Variants in C5 observed in about 807,000 individuals in gnomAD.
C5 encodes the protein C3 and PZP-like alpha-2-macroglobulin domain-containing protein 4.
In C5, 140 loss-of-function variants were observed where a neutral mutation model predicts 218.8. The ratio of observed to expected loss-of-function variants is 0.64; its 90% CI spans 0.56 to 0.74. The LOEUF is 0.74. Ranked by LOEUF, C5 falls within the 30% of genes least tolerant of loss-of-function variation. C5 has a pLI of 0.00. For synonymous variants in C5, 614 were observed against 682.3 expected, an observed-to-expected ratio of 0.90 and a Z score of 1.56; for missense variants, 1,700 against 1,969.6, an observed-to-expected ratio of 0.86 and a Z score of 2.59.
At chr9:121,027,677 T>C (rs2047436726) in intron 7 of C5, among the ~76,000 whole-genome samples, 1 of 152,174 alleles carries the variant, frequency 6.6e-6, no homozygotes, top group Admixed American at 6.5e-5. Context: ...TCCTTATATC[T>C]TATACAAAAA....
rs753010724 is a variant in C5, at chr9:120,980,224, T to G, written c.3517A>C (p.Asn1173His). Reference protein sequence around the residue: ...KIDTALIKADNFLLENTLPAQ... With the variant: ...KIDTALIKADHFLLENTLPAQ... ...GGCAGTGTATTTTCAAGCAGAAAGT[T>G]GTCAGCTTTAATTAGAGCTGTGTCG... Residue 1173 changes from asparagine (N) to histidine (H), a missense_variant, in exon 28 of 41, where the codon AAC becomes CAC. By Grantham distance (68) the Asn-to-His change is moderately conservative (BLOSUM62 1). Transcript: ENST00000223642. 1 of 1,614,196 alleles carries G rather than the reference T, an allele frequency of 6.2e-7. No homozygotes were observed. The highest frequency in any genetic ancestry group is 1.3e-5 in the African/African-American group (1 of 75,058).
At position 120,952,765 on chromosome 9, in the gene C5, C is replaced by T. The variant is rs758052311; in HGVS notation, c.5005G>A (p.Glu1669Lys). Reference protein sequence around the residue: ...AFLANLDEFAEDIFLNGC With the variant: ...AFLANLDEFAKDIFLNGC ...TAGCATCCATTTAAAAAGATATCTT[C>T]GGCAAATTCATCTAAATTAGCTAAA... The change falls in exon 41 of 41, where the codon GAA becomes AAA. Residue 1669 changes from glutamate to lysine, a missense_variant. Coordinates refer to ENST00000223642, the MANE Select transcript of C5 (RefSeq NM_001735.3). The T allele has an allele frequency of 4.2e-5, 67 of 1,613,494 alleles. No individual in the cohort carries two copies. Among genetic ancestry groups the T allele is most frequent in the African/African-American group, 8.0e-5 (6 of 74,896 alleles).
intron 33 of C5, among the ~76,000 whole-genome samples, chr9:120,967,935 C>T (rs1256959852): frequency 6.6e-6 from 1 of 151,890 alleles, no homozygotes; most frequent in Non-Finnish European, 1.5e-5. Flanking sequence ...GGTGCCCAGG[C>T]TGTTCTTGAA....
At chr9:120,961,438 G>A (rs1476577521) in intron 37 of C5, 44 bp downstream of exon 37, 2 of 1,264,060 alleles carry the variant, frequency 1.6e-6, no homozygotes, top group Admixed American at 3.4e-5. Flanking sequence ...ATGAACGACT[G>A]CTTTAAATAA....
intron 22 of C5, 77 bp downstream of exon 22, chr9:120,996,163 T>C: frequency 1.8e-6 from 2 of 1,098,214 alleles, no homozygotes; most frequent in African/African-American, 1.5e-5. Flanking sequence ...TTCTGAAAAA[T>C]AGTGTTTTAA....
chr9:121,041,344 G>A (rs1277472789), intron 3 of C5, among the ~76,000 whole-genome samples: 3 of 108,950 alleles, frequency 2.8e-5, no homozygotes, highest in African/African-American at 3.6e-5. Context: ...TCACTCTTTC[G>A]CCCAGGCTGG....
chr9:120,974,371 C>T (rs2046936628), intron 30 of C5, among the ~76,000 whole-genome samples: 1 of 152,226 alleles, frequency 6.6e-6, no homozygotes, highest in Non-Finnish European at 1.5e-5. Context: ...GCTCACTGTA[C>T]TGCTCTGTGC....
chr9:120,984,714 CTTTTTTTTT>C lies in C5; in HGVS notation c.3231-1909_3231-1901del, dbSNP rs149222003. 7.0e-3 allele frequency among the ~76,000 whole-genome samples: 482 copies of C among 69,246 alleles called. 5 individuals carry two copies. Among genetic ancestry groups the C allele is most frequent in the East Asian group, 0.028 (54 of 1,944 alleles). 45.4% of individuals were successfully genotyped at this position (69,246 alleles called of 152,430 possible). ...AGTATTCAATAGGTATAAGCTCTTA[CTTTTTTTTT>C]TTTTTTTTTTTTTTTTCAGACGGAC... On this transcript the variant is annotated intron_variant, in intron 25 of 40. Transcript: ENST00000223642.
intron 6 of C5, 33 bp downstream of exon 6, chr9:121,032,080 A>C (rs749804092): frequency 7.3e-5 from 101 of 1,382,082 alleles, no homozygotes; most frequent in Non-Finnish European, 1.0e-4. Flanking sequence ...AAAAACAAAA[A>C]GCAAAGAAAA....
chr9:120,953,312 G>A (rs1437850869), intron 40 of C5, among the ~76,000 whole-genome samples: 1 of 152,230 alleles, frequency 6.6e-6, no homozygotes, highest in Non-Finnish European at 1.5e-5. Context: ...CTCCTGGGGA[G>A]GGTTCACAAA....
At chr9:120,981,207 AC>A (rs1313769974) in intron 27 of C5, among the ~76,000 whole-genome samples, 1 of 152,208 alleles carries the variant, frequency 6.6e-6, no homozygotes, top group African/African-American at 2.4e-5. Context: ...GTGCCTGGGA[AC>A]TAGTCTTCAT....
In C5 at chr9:120,952,784, A is replaced by G; in HGVS notation, c.4986T>C (p.Ala1662=). 6.2e-7 allele frequency: 1 copy of G among 1,613,954 alleles called. No homozygotes were observed. The highest frequency in any genetic ancestry group is 8.5e-7 in the Non-Finnish European group (1 of 1,179,908). Residue 1662 remains alanine (A), a synonymous_variant, in exon 41 of 41, where the codon GCT becomes GCC. Coordinates refer to ENST00000223642, the MANE Select transcript of C5 (RefSeq NM_001735.3). ...TTCSSCQAFL[A]NLDEFAEDIF... ...TATCTTCGGCAAATTCATCTAAATT[A>G]GCTAAAAATGCTTGACACGATGAAC...
chr9:120,963,094 C>T (rs2046839540), intron 34 of C5, 127 bp from the exon 35 acceptor site: 1 of 788,354 alleles, frequency 1.3e-6, no homozygotes, highest in Non-Finnish European at 2.2e-6. Flanking sequence ...AAGAGCAGTT[C>T]CTCTTCTTGA....
intron 34 of C5, 81 bp downstream of exon 34, chr9:120,963,555 G>T: frequency 1.9e-6 from 2 of 1,064,354 alleles, no homozygotes; most frequent in Non-Finnish European, 2.9e-6. Context: ...ATATTCAAAT[G>T]AAAGAAAGTA....
chr9:120,954,649 A>G (rs969570296), intron 39 of C5, among the ~76,000 whole-genome samples: 5 of 152,196 alleles, frequency 3.3e-5, no homozygotes, highest in Non-Finnish European at 7.3e-5. Flanking sequence ...TAAGGCATGG[A>G]CTGTGTCTGA....
At chr9:120,986,392 A>G (rs2047033155) in intron 25 of C5, among the ~76,000 whole-genome samples, 1 of 152,090 alleles carries the variant, frequency 6.6e-6, no homozygotes, top group Non-Finnish European at 1.5e-5. Flanking sequence ...CGAATATAAA[A>G]AATGTTCATC....
chr9:120,954,455 T>G (rs1008164673), intron 39 of C5, among the ~76,000 whole-genome samples: 1 of 152,236 alleles, frequency 6.6e-6, no homozygotes, highest in Non-Finnish European at 1.5e-5. Flanking sequence ...TTCCTCCCCA[T>G]GTTGGCCTCT....
At chr9:121,051,695 G>GA (rs370055907), upstream of C5, among the ~76,000 whole-genome samples, 3 of 151,962 alleles carry the variant, frequency 2.0e-5, no homozygotes, top group African/African-American at 7.3e-5. Context: ...ATTCACTAGG[G>GA]AAAAAAGGAG....
At chr9:120,993,429 A>G (rs2047092267) in intron 22 of C5, among the ~76,000 whole-genome samples, 1 of 151,906 alleles carries the variant, frequency 6.6e-6, no homozygotes, top group African/African-American at 2.4e-5. Flanking sequence ...AGTTATATAT[A>G]TATATATTTT....
Sources: allele counts gnomAD v4.1 joint callset (sites outside exome capture counted in the v4.1 genomes callset), GRCh38; gene constraint gnomAD v4.1.1; transcripts MANE v1.5; gene names NCBI Gene and HGNC (gene_info 2026-07-23, HGNC 2026-07-21).